The following NTN5 variants were observed in gnomAD, a reference collection of about 807,000 sequenced individuals.
NTN5 encodes netrin 5, also known as netrin-5.
NTN5 carries 42 observed loss-of-function variants against 38.7 expected under a neutral mutation model. That is an observed-to-expected ratio of 1.08 (90% CI 0.85 to 1.40). The LOEUF (loss-of-function observed/expected upper bound fraction) is 1.40, where lower values mean the gene tolerates loss of function less well. Ranked by LOEUF, NTN5 falls within the 40% of genes most tolerant of loss-of-function variation. The pLI is 0.00. For missense variants in NTN5, 658 were observed against 716.5 expected, an observed-to-expected ratio of 0.92 and a Z score of 0.93; for synonymous variants, 329 against 303.9, an observed-to-expected ratio of 1.08 and a Z score of -0.86.
intron 3 of NTN5, 54 bp from the exon 4 acceptor site, chr19:48,664,346 C>T: frequency 6.3e-7 from 1 of 1,576,830 alleles, no homozygotes; most frequent in Non-Finnish European, 8.6e-7. Context: ...AGATGCCCCT[C>T]CCAATTCCAC....
intron 2 of NTN5, among the ~76,000 whole-genome samples, chr19:48,665,508 T>C (rs1242143404): frequency 5.3e-5 from 8 of 150,774 alleles, no homozygotes; most frequent in Non-Finnish European, 1.2e-4. Context: ...CCTGAACATC[T>C]GTGAAACTGG....
chr19:48,671,547 C>G (rs1314877359), intron 1 of NTN5, among the ~76,000 whole-genome samples: 1 of 151,790 alleles, frequency 6.6e-6, no homozygotes, highest in Non-Finnish European at 1.5e-5. Flanking sequence ...ACCCAGAGGC[C>G]ACAGGGAGCT....
At chr19:48,671,911 A>T (rs1474680351) in intron 1 of NTN5, among the ~76,000 whole-genome samples, 1 of 139,790 alleles carries the variant, frequency 7.2e-6, no homozygotes, top group Non-Finnish European at 1.5e-5. Context: ...TGGGAGCTGG[A>T]ACCTGGGTGG....
chr19:48,670,470 G>A lies in NTN5; in HGVS notation c.517C>T (p.Pro173Ser). Reference protein sequence around the residue: ...AARCAARARPPRCHCRHHTTG... With the variant: ...AARCAARARPSRCHCRHHTTG... ...GTATGGTGGCGGCAGTGGCAGCGGG[G>A]GGGCCGGGCACGGGCGGCACAGCGG... The change falls in exon 2 of 7, where the codon CCC becomes TCC. Residue 173 changes from proline (P) to serine (S), a missense_variant. Coordinates refer to ENST00000270235, the MANE Select transcript of NTN5 (RefSeq NM_145807.4). 6.8e-7 allele frequency: 1 copy of A among 1,476,100 alleles called. No individual in the cohort carries two copies. 91.4% of individuals were successfully genotyped at this position (1,476,100 alleles called of 1,614,324 possible).
At chr19:48,669,336 C>A (rs866693310) in intron 2 of NTN5, among the ~76,000 whole-genome samples, 1 of 52,224 alleles carries the variant, frequency 1.9e-5, no homozygotes, top group Non-Finnish European at 4.0e-5. Flanking sequence ...ACCACCACCA[C>A]CATCACCACC....
chr19:48,661,563 C>A lies in NTN5; in HGVS notation c.*114G>T, dbSNP rs993839853. 11 of 1,242,398 alleles carry A rather than the reference C, an allele frequency of 8.9e-6. No individual in the cohort carries two copies. The highest frequency in any genetic ancestry group is 1.0e-5 in the Non-Finnish European group (10 of 966,778). 77.0% of individuals were successfully genotyped at this position (1,242,398 alleles called of 1,614,324 possible). On this transcript the variant is annotated 3_prime_UTR_variant, in exon 7 of 7. Transcript: ENST00000270235. ...GGCGTGGGCGCAAGCATAGTGTCGT[C>A]GGGGCTCTGCGACGTCTGATTGGCT...
In NTN5 at chr19:48,662,159, G is replaced by A. The variant is rs942436734; in HGVS notation, c.1106-118C>T. On this transcript the variant is annotated intron_variant, in intron 6 of 6. Transcript: ENST00000270235. ...GACCGGTGGGTGGGCTTCTGGTATCGCAGTGGGGAGAGAAACCTTGAACCT... is the reference window on the plus strand; with the variant it reads ...GACCGGTGGGTGGGCTTCTGGTATCACAGTGGGGAGAGAAACCTTGAACCT... 16 of 1,088,460 alleles carry A rather than the reference G, an allele frequency of 1.5e-5. No homozygotes were observed. The Admixed American group carries it at 5.3e-4, about 36-fold the overall frequency. 67.4% of individuals were successfully genotyped at this position (1,088,460 alleles called of 1,614,324 possible). A position where few individuals can be genotyped will look rare whatever the true frequency, so the allele number is the denominator to read the frequency against.
At chr19:48,663,585 A>T in intron 5 of NTN5, 42 bp from the exon 6 acceptor site, 3 of 1,592,032 alleles carry the variant, frequency 1.9e-6, no homozygotes, top group Non-Finnish European at 1.7e-6. Context: ...CCTGGGGCCT[A>T]GACCACAGCC....
chr19:48,670,381 CG>C lies in NTN5; in HGVS notation c.605del (p.Thr202SerfsTer97). The C allele has an allele frequency of 1.4e-6, 2 of 1,415,158 alleles. No homozygotes were observed. Among genetic ancestry groups the C allele is most frequent in the Non-Finnish European group, 1.8e-6 (2 of 1,085,812 alleles). The allele number at this position is 1,415,158 out of a possible 1,614,324, so 87.7% of individuals were successfully genotyped here. A position where few individuals can be genotyped will look rare whatever the true frequency, so the allele number is the denominator to read the frequency against. On this transcript the variant is annotated frameshift_variant, in exon 2 of 7. Transcript: ENST00000270235. LOFTEE classifies it high-confidence loss of function. ...SHRDWPWRPA[T>X]PRHPHPCLPC... ...GTAGGCAAGGGTGGGGGTGCCGGGG[CG>C]TGGCAGGCCGCCAGGGCCAGTCTCG...
chr19:48,667,468 G>A, intron 2 of NTN5: 3 of 287,858 alleles, frequency 1.0e-5, no homozygotes, highest in Non-Finnish European at 2.2e-5. Context: ...GGCCTGGTGA[G>A]TCTCACCCCT....
chr19:48,665,300 A>G (rs73581799), intron 2 of NTN5, among the ~76,000 whole-genome samples: 55,130 of 151,220 alleles, frequency 0.36, 11,716 homozygotes, highest in African/African-American at 0.59. Context: ...GTTGGCTGTG[A>G]TGGCTTGTGC....
chr19:48,672,152 G>A (rs895324205), intron 1 of NTN5, among the ~76,000 whole-genome samples: 3 of 152,182 alleles, frequency 2.0e-5, no homozygotes, highest in South Asian at 2.1e-4. Flanking sequence ...TGTTGGGGGC[G>A]GTGGGTAATG....
At chr19:48,669,742 CCACCACCATCACCATCGT>C (rs2031870835) in intron 2 of NTN5, among the ~76,000 whole-genome samples, 2 of 115,196 alleles carry the variant, frequency 1.7e-5, no homozygotes, top group Non-Finnish European at 3.6e-5. Context: ...ATCACCATCA[CCACCACCATCACCATCGT>C]CACCACTACC....
chr19:48,663,326 A>T, intron 6 of NTN5, 137 bp downstream of exon 6: 1 of 823,994 alleles, frequency 1.2e-6, no homozygotes, highest in Non-Finnish European at 2.1e-6. Flanking sequence ...ATCAATTTCT[A>T]GATCAGGAAG....
chr19:48,664,710 A>C lies in NTN5; in HGVS notation c.689T>G (p.Leu230Arg). The C allele has an allele frequency of 3.1e-6, 5 of 1,603,198 alleles. No homozygotes were observed. Among genetic ancestry groups the C allele is most frequent in the Non-Finnish European group, 4.3e-6 (5 of 1,174,956 alleles). The change falls in exon 3 of 7, where the codon CTG (leucine) becomes CGG (arginine). Residue 230 changes from leucine to arginine, a missense_variant. Leu to Arg is a moderately radical substitution (Grantham distance 102). Coordinates refer to ENST00000270235, the MANE Select transcript of NTN5 (RefSeq NM_145807.4). ...RCRFNSELFR[L>R]SGGRSGGVCE... ...AACACCCCCACTCCGGCCGCCCGACAGTCTGAACAGCTCAGAGTTGAACCG... is the reference window on the plus strand; with the variant it reads ...AACACCCCCACTCCGGCCGCCCGACCGTCTGAACAGCTCAGAGTTGAACCG...
chr19:48,663,112 G>A (rs2147736154), intron 6 of NTN5: 2 of 434,964 alleles, frequency 4.6e-6, no homozygotes, highest in Non-Finnish European at 9.2e-6. Flanking sequence ...ACCATGAAGG[G>A]AAGCAGAAAG....
rs2122142442 is a variant in NTN5 at position 48,670,380 on chromosome 19, G to T, written c.607C>A (p.Pro203Thr). ...CGTAGGCAAGGGTGGGGGTGCCGGGGCGTGGCAGGCCGCCAGGGCCAGTCT... is the reference window on the plus strand; with the variant it reads ...CGTAGGCAAGGGTGGGGGTGCCGGGTCGTGGCAGGCCGCCAGGGCCAGTCT... ...HRDWPWRPAT[P>T]RHPHPCLPCS... The change falls in exon 2 of 7, where the codon CCC becomes ACC. Residue 203 changes from proline (P) to threonine (T), a missense_variant. Pro to Thr is a conservative substitution (Grantham distance 38). Coordinates refer to ENST00000270235, the MANE Select transcript of NTN5 (RefSeq NM_145807.4). The T allele has an allele frequency of 1.3e-5, 19 of 1,416,452 alleles. No individual in the cohort carries two copies. Among genetic ancestry groups the T allele is most frequent in the Middle Eastern group, 2.6e-4 (1 of 3,796 alleles). 87.7% of individuals were successfully genotyped at this position (1,416,452 alleles called of 1,614,324 possible). A position where few individuals can be genotyped will look rare whatever the true frequency, so the allele number is the denominator to read the frequency against.
At chr19:48,671,963 C>T (rs1174517786) in intron 1 of NTN5, among the ~76,000 whole-genome samples, 1 of 152,042 alleles carries the variant, frequency 6.6e-6, no homozygotes, top group African/African-American at 2.4e-5. Flanking sequence ...CCCATGGGGT[C>T]AGGGGAAGCA....
intron 2 of NTN5, among the ~76,000 whole-genome samples, chr19:48,669,730 CCA>C (rs2031868858): frequency 2.1e-5 from 2 of 95,242 alleles, no homozygotes; most frequent in African/African-American, 4.5e-5. Flanking sequence ...ACCACCACCA[CCA>C]TCACCATCAC....
Sources: allele counts gnomAD v4.1 joint callset (sites outside exome capture counted in the v4.1 genomes callset), GRCh38; gene constraint gnomAD v4.1.1; transcripts MANE v1.5; gene names NCBI Gene and HGNC (gene_info 2026-07-23, HGNC 2026-07-21).